ACCSL: variants seen among roughly 807,000 people sequenced by gnomAD.
ACCSL encodes the protein 1-aminocyclopropane-1-carboxylate synthase homolog (inactive) like, also known as probable inactive 1-aminocyclopropane-1-carboxylate synthase-like protein 2.
Under a neutral mutation model 61.7 loss-of-function variants are expected in ACCSL, and 55 were observed. That is an observed-to-expected ratio of 0.89 (90% confidence interval 0.72 to 1.12). ACCSL has a LOEUF of 1.12. ACCSL is among the 50% of genes most tolerant of loss of function. The pLI, the probability that ACCSL is intolerant of heterozygous loss-of-function variation, is 0.00. For synonymous variants in ACCSL, 258 were observed against 264.3 expected, an observed-to-expected ratio of 0.98 and a Z score of 0.23; for missense variants, 632 against 698.0, an observed-to-expected ratio of 0.91 and a Z score of 1.07.
At chr11:43,983,041 C>T in the ACCSL span, among the ~76,000 whole-genome samples, 1 of 152,178 alleles carries the variant, frequency 6.6e-6, no homozygotes, top group East Asian at 1.9e-4. Context: ...AGGGGCAGCT[C>T]TCTCTGTCTG....
At chr11:44,055,028 A>G (rs1952662544) in intron 8 of ACCSL, among the ~76,000 whole-genome samples, 174 bp from the exon 9 acceptor site, 1 of 152,112 alleles carries the variant, frequency 6.6e-6, no homozygotes, top group South Asian at 2.1e-4. Context: ...CTACCTTACT[A>G]TGCCCCTTGG....
the ACCSL span, among the ~76,000 whole-genome samples, chr11:44,006,714 C>T: frequency 1.3e-5 from 2 of 151,584 alleles, no homozygotes; most frequent in Admixed American, 6.6e-5. Context: ...CATGTTGGCC[C>T]GGCTGGTCTC....
upstream of ACCSL, chr11:44,047,868 G>A (rs982183646): frequency 2.4e-6 from 2 of 831,146 alleles, no homozygotes; most frequent in Non-Finnish European, 3.7e-6. Flanking sequence ...GAACCAATCT[G>A]GTCATATAAC....
At chr11:43,984,206 T>C in the ACCSL span, among the ~76,000 whole-genome samples, 1 of 152,102 alleles carries the variant, frequency 6.6e-6, no homozygotes, top group South Asian at 2.1e-4. Flanking sequence ...ATGTGGTAGG[T>C]GTCCACTACA....
the ACCSL span, among the ~76,000 whole-genome samples, chr11:44,026,058 G>C: frequency 6.6e-6 from 1 of 152,118 alleles, no homozygotes; most frequent in African/African-American, 2.4e-5. Flanking sequence ...TGAGCTTCTT[G>C]GGTGTGCAGA....
the ACCSL span, chr11:43,944,118 T>C: frequency 6.0e-6 from 2 of 330,856 alleles, no homozygotes; most frequent in Non-Finnish European, 1.2e-5. Context: ...CTATTCCCCA[T>C]CGCCGGCATC....
the ACCSL span, among the ~76,000 whole-genome samples, chr11:44,008,259 C>A: frequency 2.0e-5 from 3 of 152,112 alleles, no homozygotes; most frequent in Non-Finnish European, 4.4e-5. Context: ...GCTGGGGAGG[C>A]CCTGACCACT....
chr11:43,960,098 C>G, the ACCSL span, among the ~76,000 whole-genome samples: 1 of 152,158 alleles, frequency 6.6e-6, no homozygotes, highest in Non-Finnish European at 1.5e-5. Context: ...CTACCCACTT[C>G]CACCATTGCC....
the ACCSL span, among the ~76,000 whole-genome samples, chr11:43,972,398 G>A: frequency 2.6e-5 from 4 of 152,216 alleles, no homozygotes; most frequent in African/African-American, 9.6e-5. Context: ...AGGGGACTCA[G>A]AGCGTAAATA....
the ACCSL span, among the ~76,000 whole-genome samples, chr11:43,933,873 C>T: frequency 6.6e-6 from 1 of 152,156 alleles, no homozygotes; most frequent in African/African-American, 2.4e-5. Context: ...GTCAGGGGTG[C>T]CAGGGTGCCT....
chr11:43,957,603 A>G, the ACCSL span, among the ~76,000 whole-genome samples: 1 of 152,224 alleles, frequency 6.6e-6, no homozygotes, highest in Non-Finnish European at 1.5e-5. Flanking sequence ...ACAACATCAG[A>G]CAGTTTGCAG....
At chr11:43,937,143 G>C in the ACCSL span, among the ~76,000 whole-genome samples, 1 of 152,138 alleles carries the variant, frequency 6.6e-6, no homozygotes, top group Non-Finnish European at 1.5e-5. Context: ...TGGCTGGCCT[G>C]TCAGGAGCCG....
chr11:43,969,907 A>G, the ACCSL span, among the ~76,000 whole-genome samples: 1 of 151,958 alleles, frequency 6.6e-6, no homozygotes, highest in African/African-American at 2.4e-5. Flanking sequence ...CCAATTCTCC[A>G]TCAGATCTCT....
chr11:44,058,714 C>T lies in ACCSL; in HGVS notation c.1624+15C>T. On this transcript the variant is annotated intron_variant, in intron 13 of 13. Transcript: ENST00000378832. ...GCTAAAATTGGGTGAGTGGAGCTGA[C>T]CTCCCAATCCTTTAAAGACGCCCCA... 3 of 1,596,920 alleles carry T rather than the reference C, an allele frequency of 1.9e-6. No individual in the cohort carries two copies. The highest frequency in any genetic ancestry group is 2.2e-5 in the East Asian group (1 of 44,530).
At chr11:44,035,886 C>T in the ACCSL span, among the ~76,000 whole-genome samples, 6 of 141,016 alleles carry the variant, frequency 4.3e-5, no homozygotes, top group African/African-American at 1.3e-4. Flanking sequence ...TGCAGTGAGC[C>T]GAGATCACGC....
At chr11:43,963,814 T>C in the ACCSL span, among the ~76,000 whole-genome samples, 1 of 152,264 alleles carries the variant, frequency 6.6e-6, no homozygotes, top group Admixed American at 6.5e-5. Flanking sequence ...ATCTGTTGCA[T>C]AGATATTTAT....
the ACCSL span, among the ~76,000 whole-genome samples, chr11:43,953,777 T>C: frequency 6.6e-6 from 1 of 152,106 alleles, no homozygotes; most frequent in East Asian, 1.9e-4. Context: ...TCCCAGAAAA[T>C]TGATGACTAA....
At chr11:44,049,495 AG>A (rs2134765571) in intron 1 of ACCSL, among the ~76,000 whole-genome samples, 1 of 151,692 alleles carries the variant, frequency 6.6e-6, no homozygotes, top group East Asian at 1.9e-4. Flanking sequence ...CTTCCAGGAA[AG>A]GGGGTCCTTA....
chr11:43,970,228 C>T, the ACCSL span, among the ~76,000 whole-genome samples: 3 of 152,056 alleles, frequency 2.0e-5, no homozygotes, highest in African/African-American at 7.2e-5. Flanking sequence ...TTTTTGGAAA[C>T]AGGGTTTTGC....
Sources: gnomAD v4.1 joint callset for allele counts (sites outside exome capture counted in the v4.1 genomes callset) on GRCh38, gnomAD v4.1.1 for gene constraint, MANE v1.5 for transcripts, NCBI Gene and HGNC (gene_info 2026-07-23, HGNC 2026-07-21) for gene names.